FAAP100: variants seen among roughly 807,000 people sequenced by gnomAD.
FAAP100 encodes the protein Fanconi anemia core complex-associated protein 100.
A neutral mutation model predicts 65.8 loss-of-function variants in FAAP100; 46 were observed. That is an observed-to-expected ratio of 0.70 (90% CI 0.55 to 0.89). FAAP100 has a LOEUF of 0.89. Ranked by LOEUF, FAAP100 falls within the 40% of genes least tolerant of loss-of-function variation. The pLI is 0.00. For synonymous variants in FAAP100, 663 were observed against 555.1 expected, an observed-to-expected ratio of 1.19 and a Z score of -2.73; for missense variants, 1,165 against 1,196.7, an observed-to-expected ratio of 0.97 and a Z score of 0.39.
Position 81,551,153 on chromosome 17 carries a change from G to A in FAAP100, c.341C>T (p.Pro114Leu), listed in dbSNP as rs989960235. Residue 114 changes from proline (P) to leucine (L), a missense_variant, in exon 3 of 9, where the codon CCC (proline) becomes CTC (leucine). Pro to Leu is a moderately conservative substitution (Grantham distance 98). Transcript: ENST00000327787. ...RDSEDGDQPSPVIPVDPDACI... is the reference protein window; with the variant it reads ...RDSEDGDQPSLVIPVDPDACI... ...GGCATCGGGGTCCACAGGGATCACG[G>A]GGGAAGGCTGGTCACCGTCCTCGCT... The A allele has an allele frequency of 8.4e-6, 13 of 1,545,014 alleles. No homozygotes were observed. The East Asian group carries it at 2.9e-4, about 35-fold the overall frequency.
chr17:81,543,288 A>G (rs2033184561), intron 7 of FAAP100, among the ~76,000 whole-genome samples: 1 of 152,152 alleles, frequency 6.6e-6, no homozygotes. Context: ...CACGTTGATA[A>G]CAAGCCCAGG....
At chr17:81,548,305 AC>A in intron 4 of FAAP100, 1 of 412,850 alleles carries the variant, frequency 2.4e-6, no homozygotes, top group South Asian at 4.9e-5. Flanking sequence ...GAGGGTGAGG[AC>A]TCAGCAGGGG....
At position 81,547,053 on chromosome 17, in the gene FAAP100, C is replaced by T. The variant is rs2033327718; in HGVS notation, c.2029G>A (p.Ala677Thr). The change falls in exon 5 of 9, where the codon GCC becomes ACC. Residue 677 changes from alanine (A) to threonine (T), a missense_variant. Physicochemically the swap from Ala to Thr is moderately conservative, Grantham distance 58. Coordinates refer to ENST00000327787, the MANE Select transcript of FAAP100 (RefSeq NM_025161.6). ...SPLGPTRDPV[A>T]TFLETCREPG... ...TCCCGACAAGTTTCCAGAAAAGTGGCCACAGGGTCTCGGGTGGGGCCGAGT... is the reference window on the plus strand; with the variant it reads ...TCCCGACAAGTTTCCAGAAAAGTGGTCACAGGGTCTCGGGTGGGGCCGAGT... The T allele has an allele frequency of 1.9e-6, 3 of 1,559,104 alleles. No individual in the cohort carries two copies. The highest frequency in any genetic ancestry group is 1.7e-4 in the Middle Eastern group (1 of 5,798).
Position 81,547,686 on chromosome 17 carries a change from G to C in FAAP100, c.1404-8C>G. On this transcript the variant is annotated splice_region_variant and splice_polypyrimidine_tract_variant and intron_variant, in intron 4 of 8. Coordinates refer to ENST00000327787, the MANE Select transcript of FAAP100 (RefSeq NM_025161.6). ...TTCTTTAGAAAAGACACTCTGCGAA[G>C]GACAGACATGACCCCCGGGAGCGGG... 1 of 1,608,350 alleles carries C rather than the reference G, an allele frequency of 6.2e-7. No homozygotes were observed. Among genetic ancestry groups the C allele is most frequent in the Non-Finnish European group, 8.5e-7 (1 of 1,177,454 alleles).
rs754517998 is a variant in FAAP100 at position 81,550,905 on chromosome 17, G to A, written c.589C>T (p.Leu197=). Residue 197 remains leucine, a synonymous_variant, in exon 3 of 9, where the codon CTG becomes TTG. Transcript: ENST00000327787. ...GAGCCTGATGGTGACACAGAGCACA[G>A]CACTGGAAGGAAGTGGGGGGCTGCA... ...KPAAPHFLPV[L]CSVSPSGSRV... 1.5e-5 allele frequency: 24 copies of A among 1,612,422 alleles called. No homozygotes were observed. The highest frequency in any genetic ancestry group is 2.0e-5 in the Non-Finnish European group (24 of 1,179,844).
At chr17:81,541,277 G>T (rs1438438708) in intron 8 of FAAP100, 32 bp downstream of exon 8, 2 of 1,584,448 alleles carry the variant, frequency 1.3e-6, no homozygotes, top group Non-Finnish European at 1.7e-6. Context: ...CTACCCAGGG[G>T]AAGGGGACTG....
intron 2 of FAAP100, among the ~76,000 whole-genome samples, 151 bp from the exon 3 acceptor site, chr17:81,551,354 C>G (rs1436692752): frequency 6.6e-6 from 1 of 152,272 alleles, no homozygotes; most frequent in Non-Finnish European, 1.5e-5. Context: ...TGGCCTCCCA[C>G]CTTCCCCACG....
chr17:81,544,005 T>C lies in FAAP100; in HGVS notation c.2426A>G (p.Gln809Arg). The C allele has an allele frequency of 1.2e-6, 2 of 1,610,970 alleles. No individual in the cohort carries two copies. The highest frequency in any genetic ancestry group is 2.2e-5 in the East Asian group (1 of 44,836). Residue 809 changes from glutamine (Q) to arginine (R), a missense_variant and splice_region_variant, in exon 7 of 9, where the codon CAG becomes CGG. Physicochemically the swap from Gln to Arg is conservative, Grantham distance 43. Coordinates refer to ENST00000327787, the MANE Select transcript of FAAP100 (RefSeq NM_025161.6). ...RAHHAVVGRM[Q>R]TMVTEQATQG... ...ACCTTCCCCAGCGGGCCGACATACC[T>C]GCATGCGCCCGACAACGGCATGGTG...
Position 81,545,807 on chromosome 17 carries a change from G to A in FAAP100, c.2249C>T (p.Ala750Val). The change falls in exon 6 of 9, where the codon GCA (alanine) becomes GTA (valine). Residue 750 changes from alanine to valine, a missense_variant. Ala to Val is a moderately conservative substitution (Grantham distance 64, BLOSUM62 0). Coordinates refer to ENST00000327787, the MANE Select transcript of FAAP100 (RefSeq NM_025161.6). ...GGCCACTCCCTGGATGGAAGATAGT[G>A]CTCGGGCCCTCACGACGTCCACAGC... ...NAAVDVVRAR[A>V]LSSIQGVAPD... The A allele has an allele frequency of 1.2e-6, 2 of 1,612,234 alleles. No homozygotes were observed. The highest frequency in any genetic ancestry group is 8.5e-7 in the Non-Finnish European group (1 of 1,179,874).
In FAAP100 at chr17:81,547,500, C is replaced by G. The variant is rs1322094600; in HGVS notation, c.1582G>C (p.Val528Leu). The change falls in exon 5 of 9, where the codon GTG becomes CTG. Residue 528 changes from valine to leucine, a missense_variant. Transcript: ENST00000327787. ...CTGAAGCTGCTGCTGTTCTCTAGCA[C>G]GCAGGTGGCCATGAGCACATCCTGT... The part of the protein sequence containing the change: ...QTQDVLMATC[V>L]LENSSSFSLD... 3.7e-6 allele frequency: 6 copies of G among 1,613,414 alleles called. No homozygotes were observed. In the African/African-American group the frequency reaches 6.7e-5, roughly 18 times the overall value.
intron 6 of FAAP100, among the ~76,000 whole-genome samples, chr17:81,544,415 T>G (rs575072915): frequency 1.3e-5 from 2 of 152,340 alleles, no homozygotes; most frequent in African/African-American, 4.8e-5. Flanking sequence ...CGAGCCAGAC[T>G]GGGGCCTGCT....
rs557863794 is a variant in FAAP100 at position 81,550,265 on chromosome 17, G to C, written c.1229C>G (p.Ser410Cys). Residue 410 changes from serine to cysteine, a missense_variant, in exon 3 of 9, where the codon TCT (serine) becomes TGT (cysteine). By Grantham distance (112) the Ser-to-Cys change is moderately radical. Transcript: ENST00000327787. ...NICSVVSLSA[S>C]PRTHEGGTKL... ...GCTCATACCTTCATGCGTCCTGGGAGACGCGGACAGCGAGACGACACTGCA... is the reference window on the plus strand; with the variant it reads ...GCTCATACCTTCATGCGTCCTGGGACACGCGGACAGCGAGACGACACTGCA... 1 of 1,605,928 alleles carries C rather than the reference G, an allele frequency of 6.2e-7. No homozygotes were observed. Among genetic ancestry groups the C allele is most frequent in the East Asian group, 2.2e-5 (1 of 44,716 alleles).
chr17:81,541,229 G>A lies in FAAP100; in HGVS notation c.2514+80C>T, dbSNP rs543896583. 24 of 1,442,394 alleles carry A rather than the reference G, an allele frequency of 1.7e-5. No homozygotes were observed. The African/African-American group carries it at 1.8e-4, about 11-fold the overall frequency. The allele number at this position is 1,442,394 out of a possible 1,614,324, so 89.3% of individuals were successfully genotyped here. The stretch of plus-strand genomic sequence containing the variant: ...GCGCTGTGAGGACTCTGCGGACCCC[G>A]AGTGACTAGAGGGGGGCCTGGCGAT... On this transcript the variant is annotated intron_variant, in intron 8 of 8. Coordinates refer to ENST00000327787, the MANE Select transcript of FAAP100 (RefSeq NM_025161.6).
Position 81,549,286 on chromosome 17 carries a change from A to G in FAAP100, c.1323T>C (p.Pro441=), listed in dbSNP as rs1036055124. The change falls in exon 4 of 9, where the codon CCT becomes CCC. Residue 441 remains proline, a synonymous_variant. Coordinates refer to ENST00000327787, the MANE Select transcript of FAAP100 (RefSeq NM_025161.6). ...TCTCTGTGGTCATCCTGGCTGGGCC[A>G]GGCATCTCAGAGTCCAGGTCCAGGC... ...TCSLDLDSEM[P]GPARMTTESA... 1.9e-6 allele frequency: 3 copies of G among 1,613,108 alleles called. No individual in the cohort carries two copies. The highest frequency in any genetic ancestry group is 1.1e-5 in the South Asian group (1 of 91,088).
intron 4 of FAAP100, chr17:81,548,419 G>A (rs1027833830): frequency 2.5e-5 from 5 of 200,830 alleles, no homozygotes; most frequent in Admixed American, 2.1e-4. Context: ...ACAGTGGGAC[G>A]CATGAGGCTC....
chr17:81,551,158 A>G lies in FAAP100; in HGVS notation c.336T>C (p.Pro112=). ...DDRDSEDGDQ[P]SPVIPVDPDA... ...CGGGGTCCACAGGGATCACGGGGGA[A>G]GGCTGGTCACCGTCCTCGCTGTCCC... Residue 112 remains proline, a synonymous_variant, in exon 3 of 9, where the codon CCT becomes CCC. Coordinates refer to ENST00000327787, the MANE Select transcript of FAAP100 (RefSeq NM_025161.6). 6.5e-7 allele frequency: 1 copy of G among 1,544,126 alleles called. No individual in the cohort carries two copies. Among genetic ancestry groups the G allele is most frequent in the Non-Finnish European group, 8.8e-7 (1 of 1,142,268 alleles).
At position 81,552,230 on chromosome 17, in the gene FAAP100, T is replaced by C; in HGVS notation, c.101A>G (p.Glu34Gly). The C allele has an allele frequency of 1.3e-6, 2 of 1,497,068 alleles. No individual in the cohort carries two copies. The highest frequency in any genetic ancestry group is 1.8e-6 in the Non-Finnish European group (2 of 1,130,108). 92.7% of individuals were successfully genotyped at this position (1,497,068 alleles called of 1,614,324 possible). The change falls in exon 1 of 9, where the codon GAG (glutamate) becomes GGG (glycine). Residue 34 changes from glutamate (E) to glycine (G), a missense_variant. Physicochemically the swap from Glu to Gly is moderately conservative, Grantham distance 98. Transcript: ENST00000327787. ...GKPRVLCHEA[E>G]VFLSTGSELV... ...CTCGCTCCCGGTGGACAGGAAGACC[T>C]CTGCCTCATGGCACAGCACGCGGGG...
At chr17:81,547,702 C>T (rs766985686) in intron 4 of FAAP100, 24 bp from the exon 5 acceptor site, 50 of 1,604,332 alleles carry the variant, frequency 3.1e-5, no homozygotes, top group East Asian at 6.7e-5. Flanking sequence ...ACATGACCCC[C>T]GGGAGCGGGG....
In FAAP100 at chr17:81,540,831, G is replaced by A. The variant is rs1435016372; in HGVS notation, c.2634C>T (p.Leu878=). Residue 878 remains leucine, a synonymous_variant, in exon 9 of 9, where the codon CTC becomes CTT. Transcript: ENST00000327787. The part of the protein sequence containing the change: ...QVYRQLRHPS[L]ILL ...CAGGCCCGCCTGGTCACAGCAGGATGAGGCTGGGGTGGCGCAGCTGCCGGT... is the reference window on the plus strand; with the variant it reads ...CAGGCCCGCCTGGTCACAGCAGGATAAGGCTGGGGTGGCGCAGCTGCCGGT... 7 of 1,532,982 alleles carry A rather than the reference G, an allele frequency of 4.6e-6. No homozygotes were observed. Among genetic ancestry groups the A allele is most frequent in the Admixed American group, 2.0e-5 (1 of 50,284 alleles). The allele number at this position is 1,532,982 out of a possible 1,614,324, so 95.0% of individuals were successfully genotyped here. A position where few individuals can be genotyped will look rare whatever the true frequency, so the allele number is the denominator to read the frequency against.
Sources: gnomAD v4.1 joint callset for allele counts (sites outside exome capture counted in the v4.1 genomes callset) on GRCh38, gnomAD v4.1.1 for gene constraint, MANE v1.5 for transcripts, NCBI Gene and HGNC (gene_info 2026-07-23, HGNC 2026-07-21) for gene names.